The following PLA2G5 variants were observed in gnomAD, a reference collection of about 807,000 sequenced individuals.
The protein encoded by PLA2G5 is Ca2+-dependent phospholipase A2.
In PLA2G5, 12 loss-of-function variants were observed where a neutral mutation model predicts 15.9. That is an observed-to-expected ratio of 0.76 (90% CI 0.48 to 1.23). PLA2G5 has a LOEUF of 1.23. Ranked by LOEUF, PLA2G5 falls within the 50% of genes most tolerant of loss-of-function variation. The pLI is 0.00. For missense variants in PLA2G5, 169 were observed against 177.1 expected (o/e 0.95, Z 0.26); for synonymous variants, 71 against 71.4 (o/e 0.99, Z 0.03).
At position 20,061,397 on chromosome 1, in the gene PLA2G5, C is replaced by G. The variant is rs7537688; in HGVS notation, n.337+1705C>G. 8.1e-3 allele frequency among the ~76,000 whole-genome samples: 1,236 copies of G among 152,026 alleles called. 21 individuals carry two copies. Among genetic ancestry groups the G allele is most frequent in the African/African-American group, 0.028 (1,160 of 41,458 alleles). On this transcript the variant is annotated intron_variant and non_coding_transcript_variant, in intron 2 of 6. Coordinates refer to the PLA2G5 transcript ENST00000460175. ...CTCAGGAGTTCGAGATCAGCTTGGG[C>G]AACCTAGGGAGACCGCATCTTTAGA...
chr1:20,053,570 C>CGGGGG (rs60259205), intron 1 of PLA2G5, among the ~76,000 whole-genome samples: 3 of 98,162 alleles, frequency 3.1e-5, no homozygotes, highest in African/African-American at 9.6e-5. Context: ...TATTACTTTG[C>CGGGGG]GGGGGGGGGG....
intron 1 of PLA2G5, among the ~76,000 whole-genome samples, chr1:20,029,383 G>GTTCCTCCGCTGACATA (rs2012770708): frequency 6.6e-6 from 1 of 151,938 alleles, no homozygotes; most frequent in African/African-American, 2.4e-5. Context: ...CCGCTGACAT[G>GTTCCTCCGCTGACATA]TTCCTCCGCT....
chr1:20,086,007 A>C, intron 2 of PLA2G5, 76 bp from the exon 3 acceptor site: 525 of 1,440,278 alleles, frequency 3.6e-4, no homozygotes, highest in Non-Finnish European at 4.5e-4. Flanking sequence ...GAGAAAGGGT[A>C]GGAGATGTTG....
intron 1 of PLA2G5, among the ~76,000 whole-genome samples, chr1:20,049,944 G>A (rs908864665): frequency 6.6e-6 from 1 of 151,928 alleles, no homozygotes; most frequent in Non-Finnish European, 1.5e-5. Context: ...TATTTGTTGT[G>A]GCCTAATGCT....
At chr1:20,089,946 GT>G in intron 4 of PLA2G5, 51 bp downstream of exon 4, 1 of 1,327,942 alleles carries the variant, frequency 7.5e-7, no homozygotes, top group Non-Finnish European at 1.1e-6. Context: ...CTGACTTTAA[GT>G]TCAGCTGCCC....
chr1:20,061,006 C>T (rs952513634), intron 2 of PLA2G5, among the ~76,000 whole-genome samples: 3 of 152,140 alleles, frequency 2.0e-5, no homozygotes, highest in Non-Finnish European at 2.9e-5. Flanking sequence ...CATGAGCCAT[C>T]GCACCCGGCC....
chr1:20,049,582 T>C (rs1057502197), intron 1 of PLA2G5, among the ~76,000 whole-genome samples: 2 of 152,162 alleles, frequency 1.3e-5, no homozygotes, highest in Non-Finnish European at 2.9e-5. Context: ...GTTCTCATGA[T>C]AGTGAATAAG....
chr1:20,084,884 C>T lies in PLA2G5; in HGVS notation c.40+14C>T. 2.5e-6 allele frequency: 4 copies of T among 1,587,784 alleles called. 1 individual carries two copies. The highest frequency in any genetic ancestry group is 1.7e-6 in the Non-Finnish European group (2 of 1,155,870). On this transcript the variant is annotated intron_variant, in intron 2 of 4. Transcript: ENST00000375108. The stretch of plus-strand genomic sequence containing the variant: ...TCCTGGCTTGTAGTAAGTGCTGGCC[C>T]CGTGACCTTCGAATGAACTTTTACC...
At chr1:20,072,703 G>T (rs2015444943) in intron 1 of PLA2G5, among the ~76,000 whole-genome samples, 1 of 152,156 alleles carries the variant, frequency 6.6e-6, no homozygotes, top group African/African-American at 2.4e-5. Flanking sequence ...ACAGAGGTTA[G>T]GAAGATTGAC....
intron 4 of PLA2G5, 62 bp downstream of exon 4, chr1:20,089,957 C>T: frequency 1.7e-6 from 2 of 1,184,162 alleles, no homozygotes. Flanking sequence ...TTCAGCTGCC[C>T]TAGAGAACAG....
At chr1:20,047,858 C>G (rs895134832) in intron 1 of PLA2G5, among the ~76,000 whole-genome samples, 2 of 152,010 alleles carry the variant, frequency 1.3e-5, no homozygotes, top group Admixed American at 6.6e-5. Flanking sequence ...GACTTTTTCT[C>G]TCTGTACCTA....
chr1:20,045,158 T>A (rs905736431), intron 1 of PLA2G5, among the ~76,000 whole-genome samples: 2 of 150,392 alleles, frequency 1.3e-5, no homozygotes, highest in East Asian at 3.9e-4. Flanking sequence ...TTAGGTCAGG[T>A]GTGAGTTGAA....
intron 1 of PLA2G5, among the ~76,000 whole-genome samples, chr1:20,049,171 A>G (rs2014061247): frequency 1.3e-5 from 2 of 152,168 alleles, no homozygotes; most frequent in Non-Finnish European, 2.9e-5. Flanking sequence ...TTAGTCCTAG[A>G]ATAAAATGAC....
intron 3 of PLA2G5, among the ~76,000 whole-genome samples, chr1:20,088,098 C>T (rs986686686): frequency 6.6e-6 from 1 of 151,196 alleles, no homozygotes; most frequent in Non-Finnish European, 1.5e-5. Flanking sequence ...TGGCTCACGC[C>T]TGTAATCCCA....
rs1374854180 is a variant in PLA2G5 at position 20,029,338 on chromosome 1, C to CCTCCCCTGATACGTTCTCCG, written n.276+645_276+646insTCCGCTCCCCTGATACGTTC. ...CTCAACGTCCAGCCACCCGTGTGTT[C>CCTCCCCTGATACGTTCTCCG]CTCCCCTGATACGTTCCTCCGCTGA... On this transcript the variant is annotated intron_variant and non_coding_transcript_variant, in intron 1 of 6. Transcript: ENST00000460175. Among the ~76,000 whole-genome samples, 5 of 152,262 alleles carry CCTCCCCTGATACGTTCTCCG rather than the reference C, an allele frequency of 3.3e-5. No homozygotes were observed. In the East Asian group the frequency reaches 9.7e-4, roughly 29 times the overall value.
chr1:20,034,960 A>C (rs2013168299), intron 1 of PLA2G5, among the ~76,000 whole-genome samples: 1 of 152,008 alleles, frequency 6.6e-6, no homozygotes, highest in African/African-American at 2.4e-5. Flanking sequence ...TGTGATGAGA[A>C]TGAGGGAAGG....
At chr1:20,072,620 C>T (rs1053431760) in intron 1 of PLA2G5, among the ~76,000 whole-genome samples, 4 of 152,166 alleles carry the variant, frequency 2.6e-5, no homozygotes, top group African/African-American at 9.7e-5. Flanking sequence ...GGTTGGGGGC[C>T]AAGCTGTGCG....
chr1:20,077,572 A>T (rs556004185), intron 1 of PLA2G5, among the ~76,000 whole-genome samples: 3 of 152,320 alleles, frequency 2.0e-5, no homozygotes, highest in African/African-American at 7.2e-5. Flanking sequence ...GAAAGACATA[A>T]TCACAATATT....
chr1:20,086,759 C>T (rs1420926346), intron 3 of PLA2G5, among the ~76,000 whole-genome samples: 1 of 152,140 alleles, frequency 6.6e-6, no homozygotes, highest in Non-Finnish European at 1.5e-5. Context: ...CTCAGAAATC[C>T]CATTGTGTCA....
Sources: allele counts gnomAD v4.1 joint callset (sites outside exome capture counted in the v4.1 genomes callset), GRCh38; gene constraint gnomAD v4.1.1; transcripts MANE v1.5; gene names NCBI Gene and HGNC (gene_info 2026-07-23, HGNC 2026-07-21).